Variants in FSTL5 observed in about 807,000 individuals in gnomAD.
The protein encoded by FSTL5 is follistatin-related protein 5.
FSTL5 carries 62 observed loss-of-function variants against 89.1 expected under a neutral mutation model. That is an observed-to-expected ratio of 0.70 (90% CI 0.57 to 0.86). FSTL5 has a LOEUF of 0.86. FSTL5 is among the 40% of genes least tolerant of loss of function. The pLI is 0.00. For synonymous variants in FSTL5, 383 were observed against 346.2 expected, an observed-to-expected ratio of 1.11 and a Z score of -1.18; for missense variants, 1,057 against 1,001.6, an observed-to-expected ratio of 1.06 and a Z score of -0.75.
intron 13 of FSTL5, among the ~76,000 whole-genome samples, chr4:161,470,721 A>G (rs1418609317): frequency 2.0e-5 from 3 of 152,078 alleles, no homozygotes; most frequent in South Asian, 4.1e-4. Flanking sequence ...CTTTCAATTC[A>G]TGAACATAGG....
intron 6 of FSTL5, among the ~76,000 whole-genome samples, chr4:161,756,035 C>T (rs1234436715): frequency 9.2e-5 from 14 of 151,956 alleles, no homozygotes; most frequent in Admixed American, 8.5e-4. Flanking sequence ...CAGGTCAGTT[C>T]TGTATCTCTG....
rs150323841 is a variant in FSTL5 at position 161,883,436 on chromosome 4, T to G, written c.409+36968A>C. Among the ~76,000 whole-genome samples, 510 of 152,334 alleles carry G rather than the reference T, an allele frequency of 3.3e-3. 10 individuals are homozygous for G. In the South Asian group the frequency reaches 0.047, roughly 14 times the overall value. Reference sequence around the variant, plus strand: ...ACATTTCTCAATGTCACATTAACTCTGTCATTACTGTCAATCTTATATTAG... The same window carrying G: ...ACATTTCTCAATGTCACATTAACTCGGTCATTACTGTCAATCTTATATTAG... On this transcript the variant is annotated intron_variant, in intron 4 of 15. Coordinates refer to ENST00000306100, the MANE Select transcript of FSTL5 (RefSeq NM_020116.5).
intron 8 of FSTL5, among the ~76,000 whole-genome samples, chr4:161,556,130 A>C (rs1002751814): frequency 2.0e-5 from 3 of 151,624 alleles, no homozygotes; most frequent in Non-Finnish European, 4.4e-5. Context: ...CATTTTAAAC[A>C]GATCAAACAC....
intron 6 of FSTL5, among the ~76,000 whole-genome samples, chr4:161,726,832 G>A (rs1739437977): frequency 1.3e-5 from 2 of 150,810 alleles, no homozygotes; most frequent in South Asian, 4.2e-4. Context: ...TTAAGGTAGA[G>A]TAATTACTGA....
intron 4 of FSTL5, among the ~76,000 whole-genome samples, chr4:161,869,362 T>C (rs1732190589): frequency 6.6e-6 from 1 of 152,158 alleles, no homozygotes; most frequent in South Asian, 2.1e-4. Flanking sequence ...GGCTTCACAT[T>C]CAGGCAGATC....
chr4:161,768,900 G>T (rs564320865), intron 5 of FSTL5, among the ~76,000 whole-genome samples: 1 of 151,690 alleles, frequency 6.6e-6, no homozygotes, highest in African/African-American at 2.4e-5. Context: ...TAAGCAAAAT[G>T]AAAAGTTGGT....
At chr4:161,958,041 T>G (rs1333862479) in intron 3 of FSTL5, among the ~76,000 whole-genome samples, 1 of 152,094 alleles carries the variant, frequency 6.6e-6, no homozygotes, top group Non-Finnish European at 1.5e-5. Context: ...TCTTTATCCT[T>G]GCTTTATTTT....
At chr4:161,603,128 C>T (rs76577534) in intron 7 of FSTL5, among the ~76,000 whole-genome samples, 1 of 152,070 alleles carries the variant, frequency 6.6e-6, no homozygotes, top group Non-Finnish European at 1.5e-5. Flanking sequence ...TGACATGTCA[C>T]TTCATGTGGA....
At chr4:161,997,764 C>T (rs1282149814) in intron 3 of FSTL5, among the ~76,000 whole-genome samples, 3 of 146,912 alleles carry the variant, frequency 2.0e-5, no homozygotes, top group Non-Finnish European at 4.5e-5. Context: ...GCCACCACGC[C>T]CGGCTAATTT....
chr4:162,020,918 A>G (rs1458907423), intron 3 of FSTL5, among the ~76,000 whole-genome samples: 8 of 152,142 alleles, frequency 5.3e-5, no homozygotes, highest in Admixed American at 3.9e-4. Flanking sequence ...AGGTCCTTTC[A>G]TGTTTTAATT....
At chr4:162,110,463 A>T (rs896369177) in intron 2 of FSTL5, among the ~76,000 whole-genome samples, 1 of 151,876 alleles carries the variant, frequency 6.6e-6, no homozygotes, top group Non-Finnish European at 1.5e-5. Context: ...GGGAAAAAAA[A>T]TCTATTTGTT....
chr4:161,719,002 G>A (rs73862380), intron 6 of FSTL5, among the ~76,000 whole-genome samples: 1 of 152,082 alleles, frequency 6.6e-6, no homozygotes, highest in Non-Finnish European at 1.5e-5. Flanking sequence ...GAAACCACTA[G>A]AAACCCATTG....
intron 15 of FSTL5, among the ~76,000 whole-genome samples, chr4:161,402,073 A>G (rs927034332): frequency 6.6e-6 from 1 of 152,198 alleles, no homozygotes; most frequent in Admixed American, 6.5e-5. Context: ...AGTCAATTAA[A>G]TGTAGATGAA....
chr4:161,866,786 A>G (rs1006724963), intron 4 of FSTL5, among the ~76,000 whole-genome samples: 16 of 151,974 alleles, frequency 1.1e-4, no homozygotes, highest in African/African-American at 3.9e-4. Context: ...TTTCTAAAAT[A>G]TAATTGTTAT....
At chr4:161,902,712 G>A (rs1185521010) in intron 4 of FSTL5, among the ~76,000 whole-genome samples, 1 of 152,060 alleles carries the variant, frequency 6.6e-6, no homozygotes, top group East Asian at 1.9e-4. Flanking sequence ...AGCCAGGCGT[G>A]ATGGTGGGCG....
Position 161,920,450 on chromosome 4 carries a change from T to A in FSTL5, c.363A>T (p.Lys121Asn), listed in dbSNP as rs1408068277. ...HCEVHRAACL[K>N]KQKITIVHNE... ...TGTGAACAATGGTAATCTTTTGTTT[T>A]TTCAGGCAAGCAGCTCTGTGCACTT... The change falls in exon 4 of 16, where the codon AAA becomes AAT. Residue 121 changes from lysine to asparagine, a missense_variant. Coordinates refer to ENST00000306100, the MANE Select transcript of FSTL5 (RefSeq NM_020116.5). 1.2e-6 allele frequency: 2 copies of A among 1,613,938 alleles called. No homozygotes were observed. Among genetic ancestry groups the A allele is most frequent in the African/African-American group, 2.7e-5 (2 of 74,904 alleles).
intron 4 of FSTL5, among the ~76,000 whole-genome samples, chr4:161,883,522 C>T (rs116648399): frequency 4.1e-4 from 63 of 152,132 alleles, no homozygotes; most frequent in African/African-American, 1.3e-3. Flanking sequence ...TCCCTTGATA[C>T]GTATTCCAAT....
chr4:161,560,146 A>G (rs548150427), intron 8 of FSTL5, among the ~76,000 whole-genome samples: 1 of 152,034 alleles, frequency 6.6e-6, no homozygotes, highest in East Asian at 1.9e-4. Context: ...CAGGGAAGCC[A>G]AAAGATTGGA....
intron 6 of FSTL5, among the ~76,000 whole-genome samples, chr4:161,684,976 C>A (rs543915445): frequency 2.0e-4 from 30 of 152,276 alleles, no homozygotes; most frequent in African/African-American, 7.2e-4. Flanking sequence ...TATGGCTTGA[C>A]AATTACTCCA....
Sources: allele counts gnomAD v4.1 joint callset (sites outside exome capture counted in the v4.1 genomes callset), GRCh38; gene constraint gnomAD v4.1.1; transcripts MANE v1.5; gene names NCBI Gene and HGNC (gene_info 2026-07-23, HGNC 2026-07-21).